Variants in MRPL1 observed in about 807,000 individuals in gnomAD.
MRPL1 encodes large ribosomal subunit protein uL1m.
MRPL1 carries 28 observed loss-of-function variants against 38.0 expected under a neutral mutation model. The ratio of observed to expected loss-of-function variants is 0.74; its 90% CI spans 0.55 to 1.01. MRPL1 has a LOEUF of 1.01. MRPL1 is among the 50% of genes least tolerant of loss of function. The pLI, the probability that MRPL1 is intolerant of heterozygous loss-of-function variation, is 0.00. For missense variants in MRPL1, 358 were observed against 389.8 expected (o/e 0.92, Z 0.69); for synonymous variants, 123 against 126.7 (o/e 0.97, Z 0.20).
At chr4:77,876,216 G>T (rs1387708117) in intron 2 of MRPL1, among the ~76,000 whole-genome samples, 1 of 152,058 alleles carries the variant, frequency 6.6e-6, no homozygotes, top group Non-Finnish European at 1.5e-5. Flanking sequence ...CAAGTGATCT[G>T]CCCGCCTCAG....
chr4:77,869,534 G>A (rs1178783453), intron 1 of MRPL1, among the ~76,000 whole-genome samples: 1 of 152,046 alleles, frequency 6.6e-6, no homozygotes, highest in Admixed American at 6.6e-5. Flanking sequence ...GTAGTTTCTG[G>A]TTGTCATGAC....
At chr4:77,887,102 A>G (rs2110237272) in intron 4 of MRPL1, 118 bp from the exon 5 acceptor site, 1 of 866,596 alleles carries the variant, frequency 1.2e-6, no homozygotes, top group East Asian at 2.7e-5. Flanking sequence ...TTTTCAATTA[A>G]AAATAAAAGC....
At chr4:77,907,297 A>G in intron 6 of MRPL1, 1 of 504,862 alleles carries the variant, frequency 2.0e-6, no homozygotes, top group Non-Finnish European at 2.6e-6. Context: ...GGAGAGAAAT[A>G]GTTTATTTTG....
chr4:77,932,995 A>C (rs899198745), intron 7 of MRPL1, among the ~76,000 whole-genome samples: 2 of 152,178 alleles, frequency 1.3e-5, no homozygotes, highest in African/African-American at 4.8e-5. Flanking sequence ...TGTGTTGCCA[A>C]GGTTGGAGTG....
At chr4:77,950,276 CTTAT>C (rs1244196307) in intron 8 of MRPL1, among the ~76,000 whole-genome samples, 3 of 152,142 alleles carry the variant, frequency 2.0e-5, no homozygotes, top group Admixed American at 6.5e-5. Flanking sequence ...TTTTCTTAAT[CTTAT>C]TTATTTATTA....
At chr4:77,892,680 A>T (rs1034905522) in intron 5 of MRPL1, among the ~76,000 whole-genome samples, 1 of 151,372 alleles carries the variant, frequency 6.6e-6, no homozygotes, top group African/African-American at 2.4e-5. Flanking sequence ...TTGAAATAGA[A>T]ATCTCACATA....
intron 1 of MRPL1, among the ~76,000 whole-genome samples, chr4:77,870,805 T>C (rs547258469): frequency 1.3e-5 from 2 of 152,276 alleles, no homozygotes; most frequent in African/African-American, 4.8e-5. Flanking sequence ...AGAATATAGT[T>C]AAGATGAAAA....
Position 77,900,816 on chromosome 4 carries a change from G to A in MRPL1, c.670+6566G>A, listed in dbSNP as rs567793311. On this transcript the variant is annotated intron_variant, in intron 6 of 8. Coordinates refer to ENST00000315567, the MANE Select transcript of MRPL1 (RefSeq NM_020236.4). ...ATTGTGAGAACTGTATAAGTGGTAG[G>A]GTAGCCATATGAGGATGGTGAAACT... Among the ~76,000 whole-genome samples the A allele has an allele frequency of 2.0e-3, 308 of 152,254 alleles. 1 individual carries two copies. Among genetic ancestry groups the A allele is most frequent in the African/African-American group, 7.1e-3 (293 of 41,540 alleles).
chr4:77,924,766 G>A (rs1054968698), intron 7 of MRPL1, among the ~76,000 whole-genome samples: 7 of 151,902 alleles, frequency 4.6e-5, no homozygotes, highest in East Asian at 1.9e-4. Context: ...GGTACATATC[G>A]GTACTCAGTA....
intron 7 of MRPL1, among the ~76,000 whole-genome samples, chr4:77,932,467 A>G (rs1283914982): frequency 1.3e-5 from 2 of 152,314 alleles, no homozygotes; most frequent in South Asian, 2.1e-4. Flanking sequence ...TCAAATCTCC[A>G]TATGTTCTGG....
intron 5 of MRPL1, 30 bp from the exon 6 acceptor site, chr4:77,894,109 T>C: frequency 7.8e-7 from 1 of 1,283,126 alleles, no homozygotes; most frequent in Non-Finnish European, 1.1e-6. Flanking sequence ...TCATCTCATC[T>C]GAGGTCACCT....
At chr4:77,880,495 CT>C (rs200273544) in intron 2 of MRPL1, among the ~76,000 whole-genome samples, 11,740 of 121,496 alleles carry the variant, frequency 0.097, 400 homozygotes, top group African/African-American at 0.13. Context: ...TCTGCAAGGT[CT>C]TTTTTTTTTT....
Position 77,894,235 on chromosome 4 carries a change from C to A in MRPL1, c.655C>A (p.Pro219Thr). 6.3e-7 allele frequency: 1 copy of A among 1,577,598 alleles called. No individual in the cohort carries two copies. The highest frequency in any genetic ancestry group is 8.6e-7 in the Non-Finnish European group (1 of 1,156,438). The change falls in exon 6 of 9, where the codon CCA becomes ACA. Residue 219 changes from proline (P) to threonine (T), a missense_variant. By Grantham distance (38) the Pro-to-Thr change is conservative. Coordinates refer to ENST00000315567, the MANE Select transcript of MRPL1 (RefSeq NM_020236.4). ...RLRKKLNKKY[P>T]KLSRNSIGRD... ...AAGGAAGAAACTGAATAAAAAATAT[C>A]CAAAGCTTTCTCGAAGTAAGAGAAT...
intron 2 of MRPL1, 120 bp from the exon 3 acceptor site, chr4:77,883,122 C>A: frequency 1.5e-6 from 1 of 662,700 alleles, no homozygotes; most frequent in Non-Finnish European, 2.3e-6. Context: ...GCAGTCTATG[C>A]TTTTGAATTA....
intron 1 of MRPL1, among the ~76,000 whole-genome samples, chr4:77,864,169 A>G (rs1368112950): frequency 6.6e-6 from 1 of 152,206 alleles, no homozygotes; most frequent in African/African-American, 2.4e-5. Context: ...TTCATGTATG[A>G]CAGAAATCGT....
At chr4:77,883,177 CT>C (rs1342772014) in intron 2 of MRPL1, 64 bp from the exon 3 acceptor site, 365 of 1,070,970 alleles carry the variant, frequency 3.4e-4, no homozygotes, top group South Asian at 5.1e-4. Flanking sequence ...TGTACACTGG[CT>C]TTTTTTTTAA....
intron 2 of MRPL1, among the ~76,000 whole-genome samples, chr4:77,881,666 C>A (rs1384152876): frequency 6.6e-6 from 1 of 152,058 alleles, no homozygotes; most frequent in Non-Finnish European, 1.5e-5. Flanking sequence ...GTCTTGAACT[C>A]CTGGCCTCAA....
intron 7 of MRPL1, among the ~76,000 whole-genome samples, chr4:77,911,809 T>C (rs1415857868): frequency 6.6e-6 from 1 of 152,146 alleles, no homozygotes; most frequent in Non-Finnish European, 1.5e-5. Flanking sequence ...CACAATGCAG[T>C]ATCATTCGTG....
chr4:77,910,659 A>G (rs1053264086), intron 7 of MRPL1, among the ~76,000 whole-genome samples: 4 of 152,174 alleles, frequency 2.6e-5, no homozygotes, highest in African/African-American at 7.2e-5. Flanking sequence ...TCAAACTCCT[A>G]TGCTGAAATA....
Sources: allele counts gnomAD v4.1 joint callset (sites outside exome capture counted in the v4.1 genomes callset), GRCh38; gene constraint gnomAD v4.1.1; transcripts MANE v1.5; gene names NCBI Gene and HGNC (gene_info 2026-07-23, HGNC 2026-07-21).